The following CACNA1C variants were observed in gnomAD, a reference collection of about 807,000 sequenced individuals.
CACNA1C encodes the protein calcium voltage-gated channel subunit alpha1 C.
A neutral mutation model predicts 229.0 loss-of-function variants in CACNA1C; 30 were observed. That is an observed-to-expected ratio of 0.13 (90% CI 0.10 to 0.18). The LOEUF (loss-of-function observed/expected upper bound fraction) is 0.18. Ranked by LOEUF, CACNA1C falls within the 10% of genes least tolerant of loss-of-function variation. The pLI is 1.00. For missense variants in CACNA1C, 1,658 were observed against 2,845.0 expected (o/e 0.58, Z 9.49); for synonymous variants, 1,114 against 1,132.5 (o/e 0.98, Z 0.33).
intron 9 of CACNA1C, among the ~76,000 whole-genome samples, chr12:2,518,723 T>C (rs1356641177): frequency 6.6e-6 from 1 of 151,988 alleles, no homozygotes; most frequent in Non-Finnish European, 1.5e-5. Context: ...AGCATCTGGC[T>C]CAGATTACAT....
At chr12:2,266,438 T>C (rs987319002) in intron 3 of CACNA1C, among the ~76,000 whole-genome samples, 1 of 152,246 alleles carries the variant, frequency 6.6e-6, no homozygotes, top group Non-Finnish European at 1.5e-5. Flanking sequence ...GCAGTGACCC[T>C]CTCGTGCTCT....
intron 3 of CACNA1C, among the ~76,000 whole-genome samples, chr12:2,352,166 T>G (rs1405027757): frequency 6.6e-6 from 1 of 152,172 alleles, no homozygotes; most frequent in Non-Finnish European, 1.5e-5. Flanking sequence ...TCAGGTGAGA[T>G]GCTCACCTAA....
rs1341869650 is a variant in CACNA1C, at chr12:2,403,751, C to T, written c.478-45225C>T. 6.6e-6 allele frequency among the ~76,000 whole-genome samples: 1 copy of T among 152,142 alleles called. No homozygotes were observed. Among genetic ancestry groups the T allele is most frequent in the Non-Finnish European group, 1.5e-5 (1 of 68,018 alleles). On this transcript the variant is annotated intron_variant, in intron 3 of 46. Coordinates refer to ENST00000399655, the MANE Select transcript of CACNA1C (RefSeq NM_000719.7). This position sits in a 1 kb window ranked among gnomAD's most constrained non-coding sequence, Gnocchi z 4.1. ...CATCTCCCAGTGAGCCCCAGGTAGA[C>T]GTCTGCCACATCACTCAGGGGCTGC...
chr12:2,353,270 C>G (rs142468297), intron 3 of CACNA1C, among the ~76,000 whole-genome samples: 1 of 152,254 alleles, frequency 6.6e-6, no homozygotes, highest in East Asian at 1.9e-4. Flanking sequence ...TCTCACCCAC[C>G]CTGCAAGTCT....
intron 3 of CACNA1C, among the ~76,000 whole-genome samples, chr12:2,159,315 C>A (rs184413177): frequency 1.1e-4 from 16 of 151,942 alleles, no homozygotes; most frequent in Admixed American, 5.2e-4. Flanking sequence ...GACAACATGG[C>A]GAGACCCCGT....
At chr12:1,976,103 T>C (rs138040228) in intron 1 of CACNA1C, among the ~76,000 whole-genome samples, 4,123 of 152,266 alleles carry the variant, frequency 0.027, 87 homozygotes, top group Middle Eastern at 0.048. Flanking sequence ...GATGGATAGT[T>C]TTCTTTAGAG....
intron 3 of CACNA1C, among the ~76,000 whole-genome samples, chr12:2,218,818 T>C (rs1190359630): frequency 6.6e-6 from 1 of 152,176 alleles, no homozygotes; most frequent in African/African-American, 2.4e-5. Flanking sequence ...GTCTGATCAT[T>C]TCAGTGTGGT....
At chr12:2,120,462 T>G (rs1462980643) in intron 3 of CACNA1C, 32 bp downstream of exon 3, 3 of 1,179,248 alleles carry the variant, frequency 2.5e-6, no homozygotes, top group Non-Finnish European at 3.8e-6. Flanking sequence ...CTCTGCTTTT[T>G]CACTCGATGG....
rs754158949 is a variant in CACNA1C, at chr12:2,538,851, C to G, written c.1391-11092C>G. Among the ~76,000 whole-genome samples, 4 of 152,298 alleles carry G rather than the reference C, an allele frequency of 2.6e-5. No individual in the cohort carries two copies. In the East Asian group the frequency reaches 7.7e-4, roughly 29 times the overall value. On this transcript the variant is annotated intron_variant, in intron 9 of 46. Coordinates refer to ENST00000399655, the MANE Select transcript of CACNA1C (RefSeq NM_000719.7). ...GAAAATTAAATCAGATGAAACATGC[C>G]GTGCCACAGTTCCTCAATTCCTGGG...
At position 2,285,299 on chromosome 12, in the gene CACNA1C, G is replaced by T. The variant is rs1367931738; in HGVS notation, c.478-163677G>T. Among the ~76,000 whole-genome samples, 1 of 152,220 alleles carries T rather than the reference G, an allele frequency of 6.6e-6. No homozygotes were observed. The highest frequency in any genetic ancestry group is 6.5e-5 in the Admixed American group (1 of 15,282). ...CATTGATAACTTGAAATGGGCAGTA[G>T]TGGGAACATTTACACCACAAAAACT... On this transcript the variant is annotated intron_variant, in intron 3 of 46. Coordinates refer to ENST00000399655, the MANE Select transcript of CACNA1C (RefSeq NM_000719.7). This position sits in a 1 kb window ranked among gnomAD's most constrained non-coding sequence, Gnocchi z 4.2.
rs578222848 is a variant in CACNA1C, at chr12:2,135,703, T to A, written c.477+15273T>A. ...CCGCGTGCTGGGAGAACCACTGCTCTCTTCAAAGCTGTCAGACAGGGACAT... is the reference window on the plus strand; with the variant it reads ...CCGCGTGCTGGGAGAACCACTGCTCACTTCAAAGCTGTCAGACAGGGACAT... On this transcript the variant is annotated intron_variant, in intron 3 of 46. Transcript: ENST00000399655. 3.4e-5 allele frequency among the ~76,000 whole-genome samples: 5 copies of A among 145,798 alleles called. 2 individuals carry two copies. Among genetic ancestry groups the A allele is most frequent in the Admixed American group, 6.8e-5 (1 of 14,762 alleles).
At chr12:2,271,991 T>C (rs2085238826) in intron 3 of CACNA1C, among the ~76,000 whole-genome samples, 2 of 152,190 alleles carry the variant, frequency 1.3e-5, no homozygotes, top group Admixed American at 1.3e-4. Context: ...AGAAGCATAC[T>C]CTTCTGGGCA....
intron 3 of CACNA1C, among the ~76,000 whole-genome samples, chr12:2,396,255 G>A (rs898576056): frequency 2.6e-5 from 4 of 152,122 alleles, no homozygotes; most frequent in Non-Finnish European, 5.9e-5. Context: ...GAGTTGGGGA[G>A]CAACAGAAAG....
At chr12:2,072,685 C>A (rs182702158) in intron 1 of CACNA1C, among the ~76,000 whole-genome samples, 181 of 152,202 alleles carry the variant, frequency 1.2e-3, no homozygotes, top group Non-Finnish European at 1.9e-3. Flanking sequence ...TATATCAGAT[C>A]TACATTAAAA....
upstream of CACNA1C, chr12:2,052,904 G>GC: frequency 3.5e-6 from 3 of 848,546 alleles, no homozygotes; most frequent in Admixed American, 6.4e-5. Context: ...CGGGCGGGCG[G>GC]GCGGGCGGCG....
At chr12:2,106,982 C>G (rs536177596) in intron 1 of CACNA1C, among the ~76,000 whole-genome samples, 1 of 105,204 alleles carries the variant, frequency 9.5e-6, no homozygotes, top group South Asian at 3.6e-4. Flanking sequence ...AGGGTTTCCA[C>G]CTCAGCTGGG....
intron 3 of CACNA1C, among the ~76,000 whole-genome samples, chr12:2,379,734 A>G (rs142882689): frequency 6.6e-6 from 1 of 152,284 alleles, no homozygotes; most frequent in Non-Finnish European, 1.5e-5. Context: ...GGACATAATA[A>G]TATAAATAAA....
chr12:2,655,730 T>C (rs1407698534), intron 34 of CACNA1C, among the ~76,000 whole-genome samples: 2 of 152,176 alleles, frequency 1.3e-5, no homozygotes, highest in African/African-American at 4.8e-5. Flanking sequence ...AATCCAATAG[T>C]ACATGAGAAA....
At position 1,986,005 on chromosome 12, in the gene CACNA1C, GA is replaced by G. The variant is rs2037612203; in HGVS notation, c.139+14805del. ...TTGTTTTGTATTTTTAGTAGAGATG[GA>G]GTTTCACCGTGTTAGCCAGGATGGT... On this transcript the variant is annotated intron_variant, in intron 1 of 46. Transcript: ENST00000682462. Among the ~76,000 whole-genome samples, 2 of 152,074 alleles carry G rather than the reference GA, an allele frequency of 1.3e-5. 1 individual carries two copies. The highest frequency in any genetic ancestry group is 4.1e-4 in the South Asian group (2 of 4,822).
Sources: gnomAD v4.1 joint callset for allele counts (sites outside exome capture counted in the v4.1 genomes callset) on GRCh38, gnomAD v4.1.1 for gene constraint, Gnocchi (gnomAD v3.1) non-coding constraint, MANE v1.5 for transcripts, NCBI Gene and HGNC (gene_info 2026-07-23, HGNC 2026-07-21) for gene names.